Variants in ADGRG7 observed in about 807,000 individuals in gnomAD.
The protein encoded by ADGRG7 is G-protein coupled receptor 128.
A neutral mutation model predicts 88.6 loss-of-function variants in ADGRG7; 82 were observed. The ratio of observed to expected loss-of-function variants is 0.93; its 90% CI spans 0.77 to 1.11. The LOEUF is 1.11. ADGRG7 is among the 50% of genes most tolerant of loss of function. The pLI is 0.00. For synonymous variants in ADGRG7, 381 were observed against 345.2 expected, an observed-to-expected ratio of 1.10 and a Z score of -1.15; for missense variants, 945 against 953.4, an observed-to-expected ratio of 0.99 and a Z score of 0.12.
In ADGRG7 at chr3:100,689,147, G is replaced by C. The variant is rs1453614506; in HGVS notation, c.2137-5597G>C. On this transcript the variant is annotated intron_variant, in intron 15 of 15. Coordinates refer to ENST00000273352, the MANE Select transcript of ADGRG7 (RefSeq NM_032787.3). ...CATTATGTAATGGCCTTCTTTGTCT[G>C]TTTTGATCTTTGTTGGTTTAAAGTC... Among the ~76,000 whole-genome samples the C allele has an allele frequency of 7.9e-5, 12 of 152,088 alleles. 1 individual carries two copies. The highest frequency in any genetic ancestry group is 2.1e-4 in the South Asian group (1 of 4,814).
intron 14 of ADGRG7, among the ~76,000 whole-genome samples, chr3:100,666,455 G>A (rs1144113): frequency 0.82 from 125,290 of 152,188 alleles, 55,748 homozygotes; most frequent in Non-Finnish European, 0.99. Context: ...TGTGCTTTTA[G>A]ATATGCATAC....
chr3:100,623,361 T>C (rs1198864188), intron 1 of ADGRG7, among the ~76,000 whole-genome samples: 3 of 152,120 alleles, frequency 2.0e-5, no homozygotes, highest in Non-Finnish European at 4.4e-5. Context: ...GGTACGTCTT[T>C]AAAATGATAA....
Position 100,669,187 on chromosome 3 carries a change from C to CT in ADGRG7, c.2136+83dup, listed in dbSNP as rs2094955286. On this transcript the variant is annotated intron_variant, in intron 15 of 15. Transcript: ENST00000273352. ...TGATATCTTAGTTACCTTTAAGAGA[C>CT]TATTTTAAAAAAATCTAGGCCAGGC... The CT allele has an allele frequency of 3.3e-6, 4 of 1,196,148 alleles. No homozygotes were observed. In the East Asian group the frequency reaches 1.1e-4, roughly 34 times the overall value. The allele number at this position is 1,196,148 out of a possible 1,614,324, so 74.1% of individuals were successfully genotyped here.
chr3:100,626,287 T>C (rs910956656), intron 1 of ADGRG7, among the ~76,000 whole-genome samples: 1 of 152,254 alleles, frequency 6.6e-6, no homozygotes, highest in East Asian at 1.9e-4. Flanking sequence ...TTTTCTAGTT[T>C]ATTTGCATAG....
At chr3:100,656,895 T>C (rs896554862) in intron 13 of ADGRG7, among the ~76,000 whole-genome samples, 7 of 152,172 alleles carry the variant, frequency 4.6e-5, no homozygotes, top group Non-Finnish European at 1.0e-4. Flanking sequence ...TGGTTAAATA[T>C]AGTTTTAGGT....
intron 15 of ADGRG7, among the ~76,000 whole-genome samples, chr3:100,693,581 T>A (rs2094997412): frequency 6.6e-6 from 1 of 152,196 alleles, no homozygotes; most frequent in African/African-American, 2.4e-5. Context: ...TCACAGGATA[T>A]GATTCCAAAA....
chr3:100,666,806 G>A (rs909111912), intron 14 of ADGRG7, among the ~76,000 whole-genome samples: 32 of 151,526 alleles, frequency 2.1e-4, no homozygotes, highest in Non-Finnish European at 1.5e-4. Context: ...AGGTCCCTGA[G>A]TGTTTGTGTC....
intron 14 of ADGRG7, among the ~76,000 whole-genome samples, chr3:100,662,228 G>A (rs1256874753): frequency 6.6e-6 from 1 of 152,114 alleles, no homozygotes; most frequent in Admixed American, 6.5e-5. Context: ...TAGCTAAAGT[G>A]TCAGACGAGG....
chr3:100,637,393 C>T lies in ADGRG7; in HGVS notation c.689C>T (p.Ala230Val), dbSNP rs1334214562. Residue 230 changes from alanine to valine, a missense_variant, in exon 6 of 16, where the codon GCC becomes GTC. Coordinates refer to ENST00000273352, the MANE Select transcript of ADGRG7 (RefSeq NM_032787.3). ...GTTGCTGCTACTGCTAATGATGATGCCCTTACAACGTAAGCACAAATTCAA... is the reference window on the plus strand; with the variant it reads ...GTTGCTGCTACTGCTAATGATGATGTCCTTACAACGTAAGCACAAATTCAA... ...QRVAATANDDALTTLIEQMET... is the reference protein window; with the variant it reads ...QRVAATANDDVLTTLIEQMET... 1.2e-6 allele frequency: 2 copies of T among 1,610,152 alleles called. No individual in the cohort carries two copies. Among genetic ancestry groups the T allele is most frequent in the Non-Finnish European group, 1.7e-6 (2 of 1,176,706 alleles).
At chr3:100,689,876 T>A (rs1458198536) in intron 15 of ADGRG7, among the ~76,000 whole-genome samples, 1 of 152,106 alleles carries the variant, frequency 6.6e-6, no homozygotes, top group African/African-American at 2.4e-5. Flanking sequence ...TCTCGAGGAG[T>A]ATCTTTGTGG....
At chr3:100,622,556 G>A (rs914924462) in intron 1 of ADGRG7, among the ~76,000 whole-genome samples, 2 of 151,942 alleles carry the variant, frequency 1.3e-5, no homozygotes, top group African/African-American at 4.8e-5. Flanking sequence ...CTTTTATTAA[G>A]TGTCTGTTCC....
At chr3:100,645,918 G>T in intron 8 of ADGRG7, 27 bp from the exon 9 acceptor site, 1 of 1,599,126 alleles carries the variant, frequency 6.3e-7, no homozygotes, top group South Asian at 1.1e-5. Flanking sequence ...TGCACTTATT[G>T]ATTTTAATGT....
At chr3:100,646,183 T>A (rs1400134868) in intron 9 of ADGRG7, 75 bp downstream of exon 9, 3 of 766,016 alleles carry the variant, frequency 3.9e-6, no homozygotes, top group African/African-American at 2.3e-5. Flanking sequence ...TGAGACTGAG[T>A]AGAGTAATAC....
At chr3:100,679,424 C>G (rs541992137) in intron 15 of ADGRG7, among the ~76,000 whole-genome samples, 83 of 152,302 alleles carry the variant, frequency 5.4e-4, no homozygotes, top group African/African-American at 1.8e-3. Flanking sequence ...ACCCCAAGAG[C>G]CTGCTTGGTG....
At chr3:100,691,326 C>A (rs2094993406) in intron 15 of ADGRG7, among the ~76,000 whole-genome samples, 1 of 152,160 alleles carries the variant, frequency 6.6e-6, no homozygotes, top group South Asian at 2.1e-4. Flanking sequence ...TGAGGCAATG[C>A]CTCGCCCTGC....
chr3:100,692,138 A>G lies in ADGRG7; in HGVS notation c.2137-2606A>G, dbSNP rs145003688. On this transcript the variant is annotated intron_variant, in intron 15 of 15. Transcript: ENST00000273352. ...ATTGTTAGGAAGGGCATTTGATCAG[A>G]CTATATAATGCAGTGTGGGGAGCTG... Among the ~76,000 whole-genome samples, 518 of 152,328 alleles carry G rather than the reference A, an allele frequency of 3.4e-3. 5 individuals carry two copies. The highest frequency in any genetic ancestry group is 5.0e-3 in the Non-Finnish European group (340 of 68,028).
At chr3:100,653,423 A>G (rs1265847392) in intron 11 of ADGRG7, among the ~76,000 whole-genome samples, 1 of 152,202 alleles carries the variant, frequency 6.6e-6, no homozygotes, top group Non-Finnish European at 1.5e-5. Flanking sequence ...AAAACTCAAG[A>G]GACTTTTTCT....
chr3:100,622,388 G>T (rs1441927453), intron 1 of ADGRG7, among the ~76,000 whole-genome samples: 2 of 148,934 alleles, frequency 1.3e-5, no homozygotes, highest in African/African-American at 2.5e-5. Context: ...GACTATATTT[G>T]CATGGGTCTA....
Position 100,666,036 on chromosome 3 carries a change from A to G in ADGRG7, c.1980-2913A>G, listed in dbSNP as rs896194444. Among the ~76,000 whole-genome samples the G allele has an allele frequency of 4.0e-5, 6 of 151,488 alleles. No individual in the cohort carries two copies. The East Asian group carries it at 1.2e-3, about 29-fold the overall frequency. ...TCTTGACGGGCTTGGATGCTTATTA[A>G]TGATCAAGGATGACTCACTTTTTTT... On this transcript the variant is annotated intron_variant, in intron 14 of 15. Coordinates refer to ENST00000273352, the MANE Select transcript of ADGRG7 (RefSeq NM_032787.3).
Sources: allele counts gnomAD v4.1 joint callset (sites outside exome capture counted in the v4.1 genomes callset), GRCh38; gene constraint gnomAD v4.1.1; transcripts MANE v1.5; gene names NCBI Gene and HGNC (gene_info 2026-07-23, HGNC 2026-07-21).